Variants in ZFPM2 observed in about 807,000 individuals in gnomAD.
ZFPM2 encodes zinc finger protein ZFPM2.
A neutral mutation model predicts 98.6 loss-of-function variants in ZFPM2; 20 were observed. That is an observed-to-expected ratio of 0.20 (90% CI 0.14 to 0.29). ZFPM2 has a LOEUF of 0.29. Ranked by LOEUF, ZFPM2 falls within the 10% of genes least tolerant of loss-of-function variation. The pLI is 1.00. For synonymous variants in ZFPM2, 518 were observed against 502.7 expected (o/e 1.03, Z -0.41); for missense variants, 1,310 against 1,388.6 (o/e 0.94, Z 0.90).
chr8:105,442,725 A>G (rs1325451278), intron 2 of ZFPM2, among the ~76,000 whole-genome samples: 1 of 152,140 alleles, frequency 6.6e-6, no homozygotes, highest in Non-Finnish European at 1.5e-5. Context: ...CCTTACCTTT[A>G]TTACAGATTT....
intron 4 of ZFPM2, among the ~76,000 whole-genome samples, chr8:105,615,423 A>G (rs1413701058): frequency 6.6e-6 from 1 of 152,198 alleles, no homozygotes; most frequent in African/African-American, 2.4e-5. Context: ...TTTGATGTGA[A>G]TTAGCGACAG....
At chr8:105,745,799 G>A (rs1353003301) in intron 5 of ZFPM2, among the ~76,000 whole-genome samples, 3 of 151,932 alleles carry the variant, frequency 2.0e-5, no homozygotes, top group East Asian at 1.9e-4. Flanking sequence ...TTGCTCTGTC[G>A]CCCAGGCTGG....
chr8:105,720,140 A>C (rs1563535829), intron 5 of ZFPM2, among the ~76,000 whole-genome samples: 1 of 151,840 alleles, frequency 6.6e-6, no homozygotes, highest in Non-Finnish European at 1.5e-5. Context: ...CTGATTGCGA[A>C]TTTTACTAAC....
At chr8:105,489,408 T>G (rs1813306865) in intron 3 of ZFPM2, among the ~76,000 whole-genome samples, 1 of 146,938 alleles carries the variant, frequency 6.8e-6, no homozygotes, top group Non-Finnish European at 1.5e-5. Context: ...TATATATATT[T>G]ATAGATATAT....
intron 2 of ZFPM2, among the ~76,000 whole-genome samples, chr8:105,442,274 G>A (rs1488000346): frequency 6.6e-6 from 1 of 152,114 alleles, no homozygotes; most frequent in Non-Finnish European, 1.5e-5. Context: ...AACTCAGGAG[G>A]TGGAGCTTGC....
intron 4 of ZFPM2, among the ~76,000 whole-genome samples, chr8:105,626,932 C>T (rs1327638725): frequency 1.3e-5 from 2 of 152,020 alleles, no homozygotes; most frequent in Non-Finnish European, 2.9e-5. Context: ...TCAAATAACA[C>T]TTCTGTTAAA....
rs182109913 is a variant in ZFPM2 at position 105,606,948 on chromosome 8, G to T, written c.421-27298G>T. Among the ~76,000 whole-genome samples the T allele has an allele frequency of 5.3e-5, 8 of 152,192 alleles. No homozygotes were observed. The East Asian group carries it at 1.4e-3, about 26-fold the overall frequency. On this transcript the variant is annotated intron_variant, in intron 4 of 7. Transcript: ENST00000407775. ...AAAATAATAAGTTTGTCTTCAACTG[G>T]CTTTTATCCCCCTCCAAATTATCCT...
At position 105,801,590 on chromosome 8, in the gene ZFPM2, T is replaced by C; in HGVS notation, c.1508T>C (p.Phe503Ser). Residue 503 changes from phenylalanine (F) to serine (S), a missense_variant, in exon 8 of 8, where the codon TTC becomes TCC. By Grantham distance (155) the Phe-to-Ser change is radical. Coordinates refer to ENST00000407775, the MANE Select transcript of ZFPM2 (RefSeq NM_012082.4). ...PVGPFLSQFS[F>S]PQDITMVPQA... ...GGCCCTTTCCTATCTCAGTTTTCTT[T>C]CCCCCAAGATATCACCATGGTCCCT... 2 of 1,613,804 alleles carry C rather than the reference T, an allele frequency of 1.2e-6. No individual in the cohort carries two copies. The highest frequency in any genetic ancestry group is 2.2e-5 in the East Asian group (1 of 44,856).
chr8:105,725,111 T>A (rs1381882938), intron 5 of ZFPM2, among the ~76,000 whole-genome samples: 1 of 151,880 alleles, frequency 6.6e-6, no homozygotes, highest in Non-Finnish European at 1.5e-5. Flanking sequence ...GCTTTGCAGC[T>A]ATATAACTGA....
At chr8:105,663,842 T>G (rs1393309763) in intron 5 of ZFPM2, among the ~76,000 whole-genome samples, 1 of 152,238 alleles carries the variant, frequency 6.6e-6, no homozygotes, top group Non-Finnish European at 1.5e-5. Context: ...TCATTGTGAT[T>G]TGTTTTTCAG....
chr8:105,380,697 C>CACATATATTATATATATATATT, intron 1 of ZFPM2, among the ~76,000 whole-genome samples: 1 of 10,034 alleles, frequency 1.0e-4, no homozygotes, highest in African/African-American at 4.3e-4. Context: ...TTATATATAA[C>CACATATATTATATATATATATT]ATATATAATA....
chr8:105,510,464 A>G (rs1441571914), intron 3 of ZFPM2, among the ~76,000 whole-genome samples: 1 of 147,930 alleles, frequency 6.8e-6, no homozygotes, highest in African/African-American at 2.5e-5. Context: ...CTTCTCTTGG[A>G]GATGATTCAC....
chr8:105,592,092 C>T (rs1419799859), intron 4 of ZFPM2, among the ~76,000 whole-genome samples: 1 of 152,044 alleles, frequency 6.6e-6, no homozygotes, highest in East Asian at 1.9e-4. Context: ...CATTTCAAAG[C>T]ACTGTAGTGA....
intron 3 of ZFPM2, among the ~76,000 whole-genome samples, chr8:105,555,683 T>C (rs1466823454): frequency 1.3e-5 from 2 of 152,156 alleles, no homozygotes; most frequent in Non-Finnish European, 2.9e-5. Context: ...TAGGGAATAA[T>C]TTAATGCAAA....
At chr8:105,388,562 A>G (rs1811046400) in intron 1 of ZFPM2, among the ~76,000 whole-genome samples, 2 of 152,200 alleles carry the variant, frequency 1.3e-5, no homozygotes, top group South Asian at 2.1e-4. Flanking sequence ...TCAAAAATGC[A>G]GTAAGCTCCG....
chr8:105,631,894 C>T (rs759473593), intron 4 of ZFPM2, among the ~76,000 whole-genome samples: 4 of 151,728 alleles, frequency 2.6e-5, no homozygotes, highest in Non-Finnish European at 4.4e-5. Context: ...TTTACTGTGT[C>T]GAAATTCATA....
intron 3 of ZFPM2, among the ~76,000 whole-genome samples, chr8:105,534,935 A>G (rs146468850): frequency 2.2e-4 from 34 of 152,238 alleles, no homozygotes; most frequent in Middle Eastern, 3.4e-3. Context: ...AAATCTGTCT[A>G]TAGTAACAGC....
intron 5 of ZFPM2, among the ~76,000 whole-genome samples, chr8:105,779,064 T>G (rs1377252543): frequency 1.3e-5 from 2 of 152,296 alleles, no homozygotes; most frequent in African/African-American, 4.8e-5. Context: ...TAACTAACTT[T>G]TAAATGTCTT....
chr8:105,672,268 G>T (rs1817611213), intron 5 of ZFPM2, among the ~76,000 whole-genome samples: 1 of 151,458 alleles, frequency 6.6e-6, no homozygotes, highest in African/African-American at 2.4e-5. Flanking sequence ...TTTGGTTCAA[G>T]AAAAAAATAC....
Sources: allele counts gnomAD v4.1 joint callset (sites outside exome capture counted in the v4.1 genomes callset), GRCh38; gene constraint gnomAD v4.1.1; transcripts MANE v1.5; gene names NCBI Gene and HGNC (gene_info 2026-07-23, HGNC 2026-07-21).